Variants in GREB1L observed in about 807,000 individuals in gnomAD.
GREB1L encodes the protein GREB1-like protein.
A neutral mutation model predicts 200.8 loss-of-function variants in GREB1L; 17 were observed. The ratio of observed to expected loss-of-function variants is 0.08; its 90% confidence interval spans 0.06 to 0.13. The LOEUF (loss-of-function observed/expected upper bound fraction) is 0.13. GREB1L is among the 10% of genes least tolerant of loss of function. The probability of loss-of-function intolerance (pLI) is 1.00; values close to 1 mark genes in which losing one functional copy is unlikely to be tolerated. For synonymous variants in GREB1L, 789 were observed against 893.0 expected, an observed-to-expected ratio of 0.88 and a Z score of 2.08; for missense variants, 1,657 against 2,367.7, an observed-to-expected ratio of 0.70 and a Z score of 6.23.
At chr18:21,444,988 G>C (rs1333034377) in intron 11 of GREB1L, among the ~76,000 whole-genome samples, 1 of 152,164 alleles carries the variant, frequency 6.6e-6, no homozygotes, top group Non-Finnish European at 1.5e-5. Flanking sequence ...GGGATATGTA[G>C]GTCATGAACC....
chr18:21,439,540 T>C lies in GREB1L; in HGVS notation c.852T>C (p.Ser284=), dbSNP rs1256561470. ...FTQTDAANGN[S]SHGGKGSASS... ...CTACAGATGCTGCTAATGGAAACAG[T>C]AGCCATGGAGGGAAGGGCAGTGCAT... Residue 284 remains serine (S), a synonymous_variant, in exon 8 of 33, where the codon AGT becomes AGC. Coordinates refer to ENST00000424526, the MANE Select transcript of GREB1L (RefSeq NM_001142966.3). 1 of 1,548,718 alleles carries C rather than the reference T, an allele frequency of 6.5e-7. No individual in the cohort carries two copies. The highest frequency in any genetic ancestry group is 8.7e-7 in the Non-Finnish European group (1 of 1,144,078).
chr18:21,299,239 A>G (rs1257456497), intron 1 of GREB1L, among the ~76,000 whole-genome samples: 1 of 150,934 alleles, frequency 6.6e-6, no homozygotes, highest in Admixed American at 6.6e-5. Context: ...GATTGTGCCT[A>G]CTGCACTCCA....
chr18:21,521,483 G>A (rs2037597071), intron 32 of GREB1L, among the ~76,000 whole-genome samples: 1 of 152,130 alleles, frequency 6.6e-6, no homozygotes, highest in Admixed American at 6.6e-5. Flanking sequence ...TCAGAACGCT[G>A]TGCAGCATGA....
At chr18:21,249,976 G>C (rs980862539) in intron 1 of GREB1L, among the ~76,000 whole-genome samples, 4 of 152,168 alleles carry the variant, frequency 2.6e-5, no homozygotes, top group African/African-American at 9.7e-5. Flanking sequence ...AGAGAGAAAA[G>C]TAGAGCAGAA....
rs1047881002 is a variant in GREB1L, at chr18:21,525,392, G to GTATT, written c.*2572_*2575dup. The GTATT allele has an allele frequency of 1.3e-5, 2 of 152,066 alleles. No individual in the cohort carries two copies. Among genetic ancestry groups the GTATT allele is most frequent in the African/African-American group, 4.8e-5 (2 of 41,420 alleles). The allele number at this position is 152,066 out of a possible 1,614,324, so 9.4% of individuals were successfully genotyped here. Reference sequence around the variant, plus strand: ...TGTCCTTTGATTTAATTTGCTTAATGTATTAAAGTTATCTCCCACCCCCTC... The same window carrying GTATT: ...TGTCCTTTGATTTAATTTGCTTAATGTATTTATTAAAGTTATCTCCCACCCCCTC... On this transcript the variant is annotated 3_prime_UTR_variant, in exon 33 of 33. Transcript: ENST00000424526.
At chr18:21,345,927 A>G (rs1321422528) in intron 1 of GREB1L, among the ~76,000 whole-genome samples, 2 of 151,914 alleles carry the variant, frequency 1.3e-5, no homozygotes, top group African/African-American at 4.8e-5. Context: ...ATGAGTTCTC[A>G]CATATGAAGC....
intron 1 of GREB1L, among the ~76,000 whole-genome samples, chr18:21,268,560 C>CACACACATATATAT (rs1204514384): frequency 3.9e-4 from 25 of 63,524 alleles, no homozygotes; most frequent in Non-Finnish European, 4.6e-4. Context: ...CACACACACA[C>CACACACATATATAT]ATATATATAT....
intron 31 of GREB1L, among the ~76,000 whole-genome samples, chr18:21,520,040 G>A (rs927141313): frequency 2.0e-5 from 3 of 151,838 alleles, no homozygotes; most frequent in African/African-American, 7.3e-5. Context: ...GGGTTCAAGC[G>A]ATTCTCCTGC....
intron 9 of GREB1L, 98 bp downstream of exon 9, chr18:21,440,486 A>T (rs893982648): frequency 1.7e-6 from 2 of 1,195,842 alleles, no homozygotes; most frequent in East Asian, 5.1e-5. Flanking sequence ...AATGAGTTAT[A>T]TGAGGATATT....
At chr18:21,438,834 G>A (rs575260458) in intron 7 of GREB1L, among the ~76,000 whole-genome samples, 386 of 151,164 alleles carry the variant, frequency 2.6e-3, no homozygotes, top group Non-Finnish European at 4.6e-3. Flanking sequence ...GGTGGTGGGC[G>A]CCTGTAGTCC....
chr18:21,515,645 G>A lies in GREB1L; in HGVS notation c.5129+1G>A. ...AGAATGTGCAGTATGACTTCAACAG[G>A]TAAGTCAGGCCTCATGGATGCAGGT... On this transcript the variant is annotated splice_donor_variant, in intron 29 of 32. Coordinates refer to ENST00000424526, the MANE Select transcript of GREB1L (RefSeq NM_001142966.3). LOFTEE classifies it high-confidence loss of function. 1 of 1,544,534 alleles carries A rather than the reference G, an allele frequency of 6.5e-7. No individual in the cohort carries two copies. The highest frequency in any genetic ancestry group is 8.8e-7 in the Non-Finnish European group (1 of 1,140,608).
intron 7 of GREB1L, among the ~76,000 whole-genome samples, chr18:21,436,669 G>GGGGTGTGTGT (rs1447242837): frequency 7.5e-5 from 10 of 132,456 alleles, no homozygotes; most frequent in African/African-American, 2.3e-4. Flanking sequence ...AAAGTTCAGT[G>GGGGTGTGTGT]GTGTGTGTGT....
In GREB1L at chr18:21,375,211, C is replaced by T. The variant is rs1181870193; in HGVS notation, c.-9-8299C>T. Among the ~76,000 whole-genome samples the T allele has an allele frequency of 9.9e-5, 15 of 151,838 alleles. No individual in the cohort carries two copies. The East Asian group carries it at 1.7e-3, about 18-fold the overall frequency. ...TCCCGAGTAGCTGGGACTATAGGCA[C>T]GCACCACCACGCCCGGCTAATTTTT... On this transcript the variant is annotated intron_variant, in intron 2 of 32. Coordinates refer to ENST00000424526, the MANE Select transcript of GREB1L (RefSeq NM_001142966.3).
chr18:21,250,150 A>G (rs1420518400), intron 1 of GREB1L, among the ~76,000 whole-genome samples: 1 of 152,128 alleles, frequency 6.6e-6, no homozygotes, highest in Non-Finnish European at 1.5e-5. Flanking sequence ...CTGGGAGCAG[A>G]TGGGGAGAGG....
rs746269247 is a variant in GREB1L, at chr18:21,516,629, G to A, written c.5146G>A (p.Ala1716Thr). Residue 1716 changes from alanine to threonine, a missense_variant, in exon 30 of 33, where the codon GCT (alanine) becomes ACT (threonine). This residue lies in a region of GREB1L where 151 missense variants were observed against 309.6 expected (regional missense o/e 0.49). Transcript: ENST00000424526. ...YDFNRYFCED[A>T]DFNLRTNSSG... ...ACAATTTAGGTATTTCTGTGAAGAT[G>A]CTGACTTTAATCTGAGAACAAACAG... 1.3e-6 allele frequency: 2 copies of A among 1,551,338 alleles called. No homozygotes were observed. The highest frequency in any genetic ancestry group is 1.7e-6 in the Non-Finnish European group (2 of 1,146,848).
rs112841872 is a variant in GREB1L, at chr18:21,337,726, C to T, written c.-119-28301C>T. 7.5e-3 allele frequency among the ~76,000 whole-genome samples: 1,147 copies of T among 152,278 alleles called. 19 individuals carry two copies. Among genetic ancestry groups the T allele is most frequent in the African/African-American group, 0.027 (1,105 of 41,548 alleles). On this transcript the variant is annotated intron_variant, in intron 1 of 32. Transcript: ENST00000424526. ...TTTTCACCGGGTGCAGTGGCTCACA[C>T]CTGTAATCCCAGCACTTTGGGAGGC...
intron 1 of GREB1L, among the ~76,000 whole-genome samples, chr18:21,271,174 A>G (rs2038072512): frequency 6.6e-6 from 1 of 152,222 alleles, no homozygotes; most frequent in Non-Finnish European, 1.5e-5. Flanking sequence ...ACAGACCTTT[A>G]TATTTCAAAT....
chr18:21,519,923 C>CTTTTTTTTTTTTT (rs796146497), intron 31 of GREB1L, among the ~76,000 whole-genome samples: 1 of 143,830 alleles, frequency 7.0e-6, no homozygotes, highest in Non-Finnish European at 1.5e-5. Context: ...CATGCACTGT[C>CTTTTTTTTTTTTT]TTTTTTTTTT....
At chr18:21,363,765 A>G (rs995818614) in intron 1 of GREB1L, 5 of 152,222 alleles carry the variant, frequency 3.3e-5, no homozygotes, top group African/African-American at 1.2e-4. Context: ...CAATAGAGGA[A>G]GAGAGCAAAG....
Sources: gnomAD v4.1 joint callset for allele counts (sites outside exome capture counted in the v4.1 genomes callset) on GRCh38, gnomAD v4.1.1 for gene constraint, gnomAD v4.1.1 regional missense constraint, MANE v1.5 for transcripts, NCBI Gene and HGNC (gene_info 2026-07-23, HGNC 2026-07-21) for gene names.